Variants in PDE4D observed in about 807,000 individuals in gnomAD.
The protein encoded by PDE4D is 3',5'-cyclic-AMP phosphodiesterase 4D.
A neutral mutation model predicts 87.4 loss-of-function variants in PDE4D; 24 were observed. The ratio of observed to expected loss-of-function variants is 0.27; its 90% CI spans 0.20 to 0.39. The LOEUF (loss-of-function observed/expected upper bound fraction) is 0.39, where lower values mean the gene tolerates loss of function less well. Ranked by LOEUF, PDE4D falls within the 10% of genes least tolerant of loss-of-function variation. The pLI is 1.00. For synonymous variants in PDE4D, 384 were observed against 383.2 expected (o/e 1.00, Z -0.02); for missense variants, 714 against 1,041.0 (o/e 0.69, Z 4.32).
chr5:59,104,027 T>C (rs1385721271), intron 5 of PDE4D, among the ~76,000 whole-genome samples: 1 of 149,832 alleles, frequency 6.7e-6, no homozygotes, highest in Non-Finnish European at 1.5e-5. Context: ...AATTAGATAA[T>C]ATATGTTCGA....
At chr5:60,015,889 CTTT>C (rs746017066) in intron 2 of PDE4D, among the ~76,000 whole-genome samples, 6 of 137,620 alleles carry the variant, frequency 4.4e-5, no homozygotes, top group African/African-American at 5.3e-5. Flanking sequence ...TGAACCAATT[CTTT>C]TTTTTTTTTT....
intron 1 of PDE4D, among the ~76,000 whole-genome samples, chr5:59,482,416 T>G (rs1161892538): frequency 1.3e-5 from 2 of 152,198 alleles, no homozygotes; most frequent in African/African-American, 4.8e-5. Context: ...GCCTTTAAAA[T>G]GACCTTCTTT....
intron 3 of PDE4D, among the ~76,000 whole-genome samples, chr5:59,185,718 T>G (rs1742756230): frequency 6.6e-6 from 1 of 152,184 alleles, no homozygotes; most frequent in Non-Finnish European, 1.5e-5. Flanking sequence ...TTTAAACTGT[T>G]TTTCTACCTT....
At chr5:59,290,068 C>G (rs1239031638) in intron 1 of PDE4D, among the ~76,000 whole-genome samples, 1 of 151,842 alleles carries the variant, frequency 6.6e-6, no homozygotes. Context: ...TTGGAAGGAT[C>G]AATATTGTTA....
chr5:60,388,083 G>T (rs1762316132), intron 1 of PDE4D, among the ~76,000 whole-genome samples: 1 of 152,078 alleles, frequency 6.6e-6, no homozygotes, highest in South Asian at 2.1e-4. Flanking sequence ...GGTGAGGTAT[G>T]AGGGAAGATG....
rs1761231698 is a variant in PDE4D, at chr5:59,756,499, A to G, written c.455+136669T>C. ...ACTATACCAATCTATGTGCATGTAA[A>G]CCCAAAACATACACACACACACACA... On this transcript the variant is annotated intron_variant, in intron 1 of 14. Coordinates refer to ENST00000340635, the MANE Select transcript of PDE4D (RefSeq NM_001104631.2). 5.7e-5 allele frequency among the ~76,000 whole-genome samples: 5 copies of G among 88,214 alleles called. No individual in the cohort carries two copies. The South Asian group carries it at 1.7e-3, about 31-fold the overall frequency. 57.9% of individuals were successfully genotyped at this position (88,214 alleles called of 152,430 possible).
intron 1 of PDE4D, among the ~76,000 whole-genome samples, chr5:59,744,911 C>A (rs996605358): frequency 6.6e-6 from 1 of 152,072 alleles, no homozygotes; most frequent in Non-Finnish European, 1.5e-5. Context: ...TGTCTATAGA[C>A]CCACACATCT....
At chr5:59,865,570 T>A (rs1180679786) in intron 1 of PDE4D, among the ~76,000 whole-genome samples, 2 of 152,212 alleles carry the variant, frequency 1.3e-5, no homozygotes, top group African/African-American at 4.8e-5. Flanking sequence ...AATGTCACCA[T>A]AATATTCTGA....
intron 1 of PDE4D, among the ~76,000 whole-genome samples, chr5:59,781,784 CAAAAAAAAAAAAAAAAAAAA>C (rs58613622): frequency 2.5e-5 from 1 of 39,862 alleles, no homozygotes; most frequent in African/African-American, 8.1e-5. Flanking sequence ...CACTCCATCT[CAAAAAAAAAAAAAAAAAAAA>C]AAAAAAAAAA....
intron 1 of PDE4D, among the ~76,000 whole-genome samples, chr5:59,533,138 T>C (rs1168134198): frequency 3.3e-5 from 5 of 152,232 alleles, no homozygotes; most frequent in African/African-American, 7.2e-5. Flanking sequence ...ACCAGTATCA[T>C]AGAAAAGATA....
At chr5:59,806,295 C>T (rs75924655) in intron 1 of PDE4D, among the ~76,000 whole-genome samples, 33 of 152,300 alleles carry the variant, frequency 2.2e-4, no homozygotes, top group East Asian at 1.4e-3. Context: ...CTCTGGCTAG[C>T]GCAGAGGTGG....
intron 2 of PDE4D, among the ~76,000 whole-genome samples, chr5:60,127,276 C>T (rs372490925): frequency 2.0e-5 from 3 of 152,194 alleles, no homozygotes; most frequent in African/African-American, 7.2e-5. Flanking sequence ...TGGACAATCA[C>T]ACAAAAATGA....
At chr5:60,136,018 A>G (rs1029267275) in intron 2 of PDE4D, among the ~76,000 whole-genome samples, 1 of 152,182 alleles carries the variant, frequency 6.6e-6, no homozygotes, top group Non-Finnish European at 1.5e-5. Context: ...TGTACAGGAT[A>G]TTCCATAGGT....
At chr5:60,429,987 A>C (rs1482013876) in intron 1 of PDE4D, 1 of 520,084 alleles carries the variant, frequency 1.9e-6, no homozygotes, top group Non-Finnish European at 3.8e-6. Context: ...TGTTTGGTAA[A>C]TCTTTATCTT....
At chr5:59,897,173 G>T (rs1751748414), upstream of PDE4D, among the ~76,000 whole-genome samples, 2 of 152,230 alleles carry the variant, frequency 1.3e-5, no homozygotes, top group South Asian at 2.1e-4. Flanking sequence ...GCAGTTAGTT[G>T]GTGTCATTAC....
intron 1 of PDE4D, among the ~76,000 whole-genome samples, chr5:59,485,840 C>T (rs771020812): frequency 2.0e-5 from 3 of 152,158 alleles, no homozygotes; most frequent in East Asian, 3.9e-4. Context: ...AGCTCCCTGA[C>T]GTCAATTCAG....
At chr5:60,287,753 TA>T (rs1407254498) in intron 1 of PDE4D, among the ~76,000 whole-genome samples, 1 of 152,196 alleles carries the variant, frequency 6.6e-6, no homozygotes, top group Non-Finnish European at 1.5e-5. Flanking sequence ...TTTATATCCC[TA>T]AAACTTCTAA....
At chr5:59,586,443 G>T (rs1825142675) in intron 1 of PDE4D, 2 of 1,543,046 alleles carry the variant, frequency 1.3e-6, no homozygotes, top group South Asian at 1.2e-5. Context: ...TTTTACAGAT[G>T]AATTCCAACT....
intron 2 of PDE4D, among the ~76,000 whole-genome samples, chr5:60,164,246 C>T (rs1782705018): frequency 1.3e-5 from 2 of 151,974 alleles, no homozygotes; most frequent in African/African-American, 4.8e-5. Context: ...TTCTAAATAT[C>T]AGGTAAAGAG....
Sources: gnomAD v4.1 joint callset for allele counts (sites outside exome capture counted in the v4.1 genomes callset) on GRCh38, gnomAD v4.1.1 for gene constraint, MANE v1.5 for transcripts, NCBI Gene and HGNC (gene_info 2026-07-23, HGNC 2026-07-21) for gene names.